FRMD3: variants seen among roughly 807,000 people sequenced by gnomAD.
FRMD3 encodes the protein FERM domain containing 3, also known as FERM domain-containing protein 3.
A neutral mutation model predicts 70.2 loss-of-function variants in FRMD3; 33 were observed. The ratio of observed to expected loss-of-function variants is 0.47; its 90% CI spans 0.36 to 0.63. FRMD3 has a LOEUF of 0.63. Ranked by LOEUF, FRMD3 falls within the 20% of genes least tolerant of loss-of-function variation. The probability of loss-of-function intolerance (pLI) is 0.00; values close to 1 mark genes in which losing one functional copy is unlikely to be tolerated. For synonymous variants in FRMD3, 279 were observed against 255.9 expected (o/e 1.09, Z -0.86); for missense variants, 632 against 711.4 (o/e 0.89, Z 1.27).
intron 1 of FRMD3, among the ~76,000 whole-genome samples, chr9:83,528,944 A>T (rs1829739647): frequency 6.6e-6 from 1 of 152,254 alleles, no homozygotes; most frequent in Admixed American, 6.5e-5. Flanking sequence ...TCATTTAAAA[A>T]TAACAATAAA....
chr9:83,422,148 C>T (rs924057429), intron 1 of FRMD3, among the ~76,000 whole-genome samples: 12 of 152,144 alleles, frequency 7.9e-5, no homozygotes, highest in African/African-American at 2.7e-4. Context: ...TCGCTGGATC[C>T]TGGGAGGCAG....
chr9:83,367,666 G>A (rs1423387584), intron 3 of FRMD3, among the ~76,000 whole-genome samples: 1 of 152,224 alleles, frequency 6.6e-6, no homozygotes, highest in Non-Finnish European at 1.5e-5. Flanking sequence ...AGTGCTGGCT[G>A]CAACAGTAGG....
chr9:83,353,149 A>G (rs1428900781), intron 3 of FRMD3, among the ~76,000 whole-genome samples: 1 of 151,996 alleles, frequency 6.6e-6, no homozygotes, highest in Non-Finnish European at 1.5e-5. Context: ...TGTCACCAAT[A>G]AAAGAAGAGT....
chr9:83,244,564 T>C (rs1482695273), downstream of FRMD3: 2 of 544,434 alleles, frequency 3.7e-6, no homozygotes, highest in East Asian at 1.5e-4. Context: ...CCTTTTATAG[T>C]TTCCAACAAC....
intron 1 of FRMD3, among the ~76,000 whole-genome samples, chr9:83,421,061 C>T (rs1033670187): frequency 3.3e-5 from 5 of 151,002 alleles, no homozygotes; most frequent in Non-Finnish European, 7.4e-5. Flanking sequence ...CTGCCTCAGC[C>T]TCCCGAGTAG....
intron 13 of FRMD3, among the ~76,000 whole-genome samples, chr9:83,249,264 A>G (rs1313230507): frequency 6.6e-6 from 1 of 152,152 alleles, no homozygotes; most frequent in Non-Finnish European, 1.5e-5. Flanking sequence ...TAGATGCTAG[A>G]AGGGAAATTG....
intron 6 of FRMD3, among the ~76,000 whole-genome samples, chr9:83,334,436 G>A (rs1437683173): frequency 2.6e-5 from 4 of 152,120 alleles, no homozygotes; most frequent in Non-Finnish European, 5.9e-5. Context: ...TAGGGGGCGC[G>A]CCTGCATAAA....
At chr9:83,260,572 C>T (rs151242108) in intron 13 of FRMD3, among the ~76,000 whole-genome samples, 62 of 152,174 alleles carry the variant, frequency 4.1e-4, no homozygotes, top group African/African-American at 1.5e-3. Flanking sequence ...GTTAAAATTC[C>T]CTTTTCACTC....
Position 83,356,271 on chromosome 9 carries a change from A to ATTTTTTTTTTTTTTTTTTT in FRMD3, c.296-6533_296-6515dup, listed in dbSNP as rs869149609. ...TGAGAGAGAAGCATCACTCAGCAGCATTTTTTTTTTTTTTTTTTTTTTTTG... is the reference window on the plus strand; with the variant it reads ...TGAGAGAGAAGCATCACTCAGCAGCATTTTTTTTTTTTTTTTTTTTTTTTTTTTTTTTTTTTTTTTTTTG... On this transcript the variant is annotated intron_variant, in intron 3 of 13. Transcript: ENST00000304195. 1.8e-4 allele frequency among the ~76,000 whole-genome samples: 17 copies of ATTTTTTTTTTTTTTTTTTT among 94,436 alleles called. 1 individual carries two copies. The highest frequency in any genetic ancestry group is 7.4e-4 in the African/African-American group (16 of 21,632). 62.0% of individuals were successfully genotyped at this position (94,436 alleles called of 152,430 possible). A position where few individuals can be genotyped will look rare whatever the true frequency, so the allele number is the denominator to read the frequency against.
chr9:83,393,243 T>C (rs1044907388), intron 1 of FRMD3, among the ~76,000 whole-genome samples: 2 of 152,222 alleles, frequency 1.3e-5, no homozygotes, highest in African/African-American at 4.8e-5. Context: ...CTTGATTCTT[T>C]TTATAAATAC....
At chr9:83,251,720 A>G (rs1288313324) in intron 13 of FRMD3, among the ~76,000 whole-genome samples, 2 of 152,234 alleles carry the variant, frequency 1.3e-5, no homozygotes, top group Non-Finnish European at 2.9e-5. Flanking sequence ...TTCACAATGA[A>G]ATCACAAGTA....
chr9:83,565,333 A>G, the FRMD3 span, among the ~76,000 whole-genome samples: 1 of 152,208 alleles, frequency 6.6e-6, no homozygotes, highest in African/African-American at 2.4e-5. Context: ...GAGAGTTTCT[A>G]TTGATGTGGA....
Position 83,507,687 on chromosome 9 carries a change from CATACATATATATATATATATATATATAT to C in FRMD3, c.147+30370_147+30397del, listed in dbSNP as rs1215549308. ...TCCGTCTCAAACAAAAAAAAATATACATACATATATATATATATATATATATATATATATATATATATATATATATATC... is the reference window on the plus strand; with the variant it reads ...TCCGTCTCAAACAAAAAAAAATATACATATATATATATATATATATATATC... On this transcript the variant is annotated intron_variant, in intron 1 of 13. Transcript: ENST00000304195. Among the ~76,000 whole-genome samples the C allele has an allele frequency of 1.5e-3, 72 of 46,930 alleles. 6 individuals carry two copies. The highest frequency in any genetic ancestry group is 3.1e-3 in the South Asian group (3 of 978). 30.8% of individuals were successfully genotyped at this position (46,930 alleles called of 152,430 possible). A position where few individuals can be genotyped will look rare whatever the true frequency, so the allele number is the denominator to read the frequency against.
In FRMD3 at chr9:83,453,445, T is replaced by C. The variant is rs556344891; in HGVS notation, c.148-63737A>G. On this transcript the variant is annotated intron_variant, in intron 1 of 13. Coordinates refer to ENST00000304195, the MANE Select transcript of FRMD3 (RefSeq NM_174938.6). ...CCAATAGGGTAGCCACTATCACATA[T>C]GATGGAATAGTTTGGATACGGGATA... 2.6e-5 allele frequency among the ~76,000 whole-genome samples: 4 copies of C among 152,154 alleles called. No homozygotes were observed. In the South Asian group the frequency reaches 8.3e-4, roughly 32 times the overall value.
chr9:83,360,713 C>T (rs1824554618), intron 3 of FRMD3, among the ~76,000 whole-genome samples: 1 of 152,212 alleles, frequency 6.6e-6, no homozygotes, highest in East Asian at 1.9e-4. Context: ...GCACACACTA[C>T]TGCACCCAAT....
At chr9:83,503,665 C>T (rs933723155) in intron 1 of FRMD3, among the ~76,000 whole-genome samples, 5 of 152,124 alleles carry the variant, frequency 3.3e-5, no homozygotes, top group African/African-American at 7.2e-5. Flanking sequence ...CCACTGAGTG[C>T]GCAGACATTT....
chr9:83,581,959 G>A, the FRMD3 span, among the ~76,000 whole-genome samples: 1 of 152,172 alleles, frequency 6.6e-6, no homozygotes, highest in African/African-American at 2.4e-5. Context: ...TAAACTTGAT[G>A]GCAGCGATGC....
At chr9:83,416,785 CTCACTCTCTCTCTCTCTT>C (rs1473069635) in intron 1 of FRMD3, among the ~76,000 whole-genome samples, 2 of 87,098 alleles carry the variant, frequency 2.3e-5, no homozygotes, top group Non-Finnish European at 4.7e-5. Flanking sequence ...CTCTCTCTCT[CTCACTCTCTCTCTCTCTT>C]ACTCTTTCAC....
intron 1 of FRMD3, among the ~76,000 whole-genome samples, chr9:83,516,102 C>G (rs1829449146): frequency 6.6e-6 from 1 of 152,136 alleles, no homozygotes; most frequent in Non-Finnish European, 1.5e-5. Flanking sequence ...ATGACAGGAT[C>G]AAATTCACAC....
Sources: allele counts gnomAD v4.1 joint callset (sites outside exome capture counted in the v4.1 genomes callset), GRCh38; gene constraint gnomAD v4.1.1; transcripts MANE v1.5; gene names NCBI Gene and HGNC (gene_info 2026-07-23, HGNC 2026-07-21).